MYCT1: variants seen among roughly 807,000 people sequenced by gnomAD.
The protein encoded by MYCT1 is myc target protein 1.
In MYCT1, 12 loss-of-function variants were observed where a neutral mutation model predicts 15.0. That is an observed-to-expected ratio of 0.80 (90% CI 0.51 to 1.29). MYCT1 has a LOEUF of 1.29. Among genes scored for constraint, MYCT1 ranks in the 50% most tolerant of loss-of-function variants. MYCT1 has a pLI of 0.00. For synonymous variants in MYCT1, 104 were observed against 102.7 expected, an observed-to-expected ratio of 1.01 and a Z score of -0.07; for missense variants, 287 against 279.1, an observed-to-expected ratio of 1.03 and a Z score of -0.20.
chr6:152,725,988 A>G (rs9384042), downstream of MYCT1, among the ~76,000 whole-genome samples: 81,788 of 151,714 alleles, frequency 0.54, 24,334 homozygotes, highest in Non-Finnish European at 0.66. Context: ...CGAAAATAAC[A>G]AAGACCTGGA....
chr6:152,724,820 G>C (rs1160148074), downstream of MYCT1, among the ~76,000 whole-genome samples: 3 of 152,012 alleles, frequency 2.0e-5, no homozygotes, highest in East Asian at 5.8e-4. Flanking sequence ...ATGTATAATG[G>C]AGAAAGGGAA....
intron 1 of MYCT1, among the ~76,000 whole-genome samples, chr6:152,699,583 T>A (rs907853870): frequency 2.0e-5 from 3 of 152,142 alleles, no homozygotes; most frequent in African/African-American, 7.2e-5. Flanking sequence ...AAATAAGTGC[T>A]AAATGCACAC....
At chr6:152,706,367 T>C (rs1400795747) in intron 1 of MYCT1, among the ~76,000 whole-genome samples, 1 of 152,176 alleles carries the variant, frequency 6.6e-6, no homozygotes, top group African/African-American at 2.4e-5. Flanking sequence ...AAAAAGACAT[T>C]TGTATATTCC....
intron 1 of MYCT1, among the ~76,000 whole-genome samples, chr6:152,716,891 A>G (rs933165117): frequency 2.0e-5 from 3 of 152,242 alleles, no homozygotes; most frequent in African/African-American, 7.2e-5. Context: ...ATTATTAAGA[A>G]GAAAGATTAT....
chr6:152,702,123 T>G (rs2129068115), intron 1 of MYCT1, among the ~76,000 whole-genome samples: 1 of 152,298 alleles, frequency 6.6e-6, no homozygotes, highest in South Asian at 2.1e-4. Context: ...GATGCTTCCC[T>G]TCTCCAAAAC....
chr6:152,703,536 G>A (rs1406928421), intron 1 of MYCT1, among the ~76,000 whole-genome samples: 1 of 151,906 alleles, frequency 6.6e-6, no homozygotes, highest in African/African-American at 2.4e-5. Context: ...TAAACTAAAG[G>A]CATCAATACA....
At chr6:152,720,334 A>G (rs952591373) in intron 1 of MYCT1, among the ~76,000 whole-genome samples, 2 of 152,070 alleles carry the variant, frequency 1.3e-5, no homozygotes, top group African/African-American at 4.8e-5. Flanking sequence ...CCTACCGTCA[A>G]AGCAAGTCAT....
At chr6:152,712,755 C>T (rs973887193) in intron 1 of MYCT1, among the ~76,000 whole-genome samples, 11 of 151,918 alleles carry the variant, frequency 7.2e-5, no homozygotes, top group African/African-American at 1.5e-4. Flanking sequence ...AAAATATCAC[C>T]GTGTCTTATT....
At chr6:152,731,724 C>A in the MYCT1 span, among the ~76,000 whole-genome samples, 10 of 150,930 alleles carry the variant, frequency 6.6e-5, no homozygotes, top group Non-Finnish European at 1.3e-4. Flanking sequence ...TATAAAGCAT[C>A]ACGAGTAAGC....
the MYCT1 span, among the ~76,000 whole-genome samples, chr6:152,745,491 T>G: frequency 6.6e-6 from 1 of 152,146 alleles, no homozygotes; most frequent in Admixed American, 6.5e-5. Context: ...ACTTGATCAT[T>G]TCTAGGTAAA....
chr6:152,721,714 AT>A (rs777917643), intron 1 of MYCT1, 27 bp from the exon 2 acceptor site: 1 of 1,585,342 alleles, frequency 6.3e-7, no homozygotes, highest in South Asian at 1.2e-5. Flanking sequence ...TTAAAAATTG[AT>A]TTAGCAATTT....
the MYCT1 span, among the ~76,000 whole-genome samples, chr6:152,735,482 T>G: frequency 2.0e-5 from 3 of 152,248 alleles, no homozygotes; most frequent in East Asian, 5.8e-4. Context: ...GATCACCATA[T>G]GATGAATTCT....
Position 152,701,617 on chromosome 6 carries a change from A to AG in MYCT1, c.196+3525dup, listed in dbSNP as rs200007572. On this transcript the variant is annotated intron_variant, in intron 1 of 1. Transcript: ENST00000367245. ...GGGTTATATATTCTGTGTATTGGAG[A>AG]GGGGGGACCTTTGTGCTTGATCAAG... Among the ~76,000 whole-genome samples the AG allele has an allele frequency of 1.9e-4, 28 of 150,940 alleles. 1 individual carries two copies. Among genetic ancestry groups the AG allele is most frequent in the East Asian group, 7.8e-4 (4 of 5,158 alleles).
intron 1 of MYCT1, among the ~76,000 whole-genome samples, chr6:152,718,017 T>A (rs2099724050): frequency 6.6e-6 from 1 of 152,190 alleles, no homozygotes; most frequent in Non-Finnish European, 1.5e-5. Context: ...GATATCTATA[T>A]AACCCAATAT....
the MYCT1 span, among the ~76,000 whole-genome samples, chr6:152,733,699 G>A: frequency 0.015 from 2,324 of 152,276 alleles, 21 homozygotes; most frequent in Middle Eastern, 0.031. Context: ...TAGGCTGTTG[G>A]TTTCTGTAAG....
intron 1 of MYCT1, among the ~76,000 whole-genome samples, chr6:152,700,746 A>C (rs1482182345): frequency 6.6e-6 from 1 of 151,998 alleles, no homozygotes; most frequent in Non-Finnish European, 1.5e-5. Context: ...CAAATACTGA[A>C]CTCAGTTATT....
At chr6:152,737,896 T>A in the MYCT1 span, among the ~76,000 whole-genome samples, 9 of 152,120 alleles carry the variant, frequency 5.9e-5, no homozygotes, top group Non-Finnish European at 1.2e-4. Context: ...TTTATTTAAG[T>A]GATTTATTTT....
chr6:152,733,248 C>A, the MYCT1 span, among the ~76,000 whole-genome samples: 1 of 151,950 alleles, frequency 6.6e-6, no homozygotes, highest in East Asian at 1.9e-4. Context: ...GGATGACAGA[C>A]GCATGCCACC....
chr6:152,701,081 T>A lies in MYCT1; in HGVS notation c.196+2983T>A, dbSNP rs2099721230. Among the ~76,000 whole-genome samples, 7 of 152,256 alleles carry A rather than the reference T, an allele frequency of 4.6e-5. No homozygotes were observed. In the South Asian group the frequency reaches 1.5e-3, roughly 32 times the overall value. Reference sequence around the variant, plus strand: ...TTAAAACAATATATGGCAGAAATAATCCCTAAATCTTTCTCAGAAAAAAAA... The same window carrying A: ...TTAAAACAATATATGGCAGAAATAAACCCTAAATCTTTCTCAGAAAAAAAA... On this transcript the variant is annotated intron_variant, in intron 1 of 1. Transcript: ENST00000367245.
Sources: gnomAD v4.1 joint callset for allele counts (sites outside exome capture counted in the v4.1 genomes callset) on GRCh38, gnomAD v4.1.1 for gene constraint, MANE v1.5 for transcripts, NCBI Gene and HGNC (gene_info 2026-07-23, HGNC 2026-07-21) for gene names.